The following ROBO2 variants were observed in gnomAD, a reference collection of about 807,000 sequenced individuals.
The protein encoded by ROBO2 is roundabout homolog 2.
A neutral mutation model predicts 160.8 loss-of-function variants in ROBO2; 53 were observed. That is an observed-to-expected ratio of 0.33 (90% CI 0.26 to 0.41). The LOEUF (loss-of-function observed/expected upper bound fraction) is 0.41. ROBO2 is among the 10% of genes least tolerant of loss of function. ROBO2 has a pLI of 1.00. For missense variants in ROBO2, 1,577 were observed against 1,722.4 expected (o/e 0.92, Z 1.49); for synonymous variants, 664 against 611.7 (o/e 1.09, Z -1.26).
At chr3:76,884,890 A>G (rs746122327) in intron 2 of ROBO2, among the ~76,000 whole-genome samples, 80 of 152,166 alleles carry the variant, frequency 5.3e-4, no homozygotes, top group Non-Finnish European at 1.0e-3. Flanking sequence ...AATGATAAAT[A>G]TAAGTTTCCT....
intron 2 of ROBO2, among the ~76,000 whole-genome samples, chr3:76,703,763 T>C (rs1341012988): frequency 2.0e-5 from 3 of 152,152 alleles, no homozygotes; most frequent in Admixed American, 6.6e-5. Flanking sequence ...TAGTCTATCA[T>C]TGATGGGTGT....
intron 2 of ROBO2, among the ~76,000 whole-genome samples, chr3:76,525,370 T>C (rs1487221726): frequency 6.6e-6 from 1 of 151,956 alleles, no homozygotes; most frequent in East Asian, 1.9e-4. Flanking sequence ...AAAACACATT[T>C]TAAAATAAGG....
intron 2 of ROBO2, among the ~76,000 whole-genome samples, chr3:76,375,242 C>G (rs957314581): frequency 6.6e-6 from 1 of 151,936 alleles, no homozygotes; most frequent in Non-Finnish European, 1.5e-5. Context: ...TCTGTATTCA[C>G]TAAATCCTCA....
intron 2 of ROBO2, among the ~76,000 whole-genome samples, chr3:76,931,188 T>C (rs1285485067): frequency 7.1e-6 from 1 of 140,500 alleles, no homozygotes; most frequent in Non-Finnish European, 1.5e-5. Context: ...GCCTTTGTTT[T>C]GTTTAAAGTG....
At chr3:77,098,066 C>G in exon 2 of ROBO2, 1 of 1,598,628 alleles carries the variant, frequency 6.3e-7, no homozygotes, top group Non-Finnish European at 8.6e-7. Context: ...AGCATCCTTC[C>G]GATGTCATCG....
At chr3:76,420,363 C>A (rs886285101) in intron 2 of ROBO2, among the ~76,000 whole-genome samples, 2 of 152,088 alleles carry the variant, frequency 1.3e-5, no homozygotes, top group African/African-American at 4.8e-5. Flanking sequence ...TTGTGTTGGT[C>A]ATAAAAGGCC....
At chr3:76,317,317 C>T (rs980310363) in intron 2 of ROBO2, among the ~76,000 whole-genome samples, 23 of 152,088 alleles carry the variant, frequency 1.5e-4, no homozygotes, top group South Asian at 4.1e-4. Context: ...ACCTTTGTAA[C>T]GCTGGGAAAT....
intron 2 of ROBO2, among the ~76,000 whole-genome samples, chr3:77,280,752 T>A (rs2060190501): frequency 6.6e-6 from 1 of 152,206 alleles, no homozygotes; most frequent in South Asian, 2.1e-4. Context: ...ATGTTTAACT[T>A]TGCCTTCAGA....
intron 2 of ROBO2, among the ~76,000 whole-genome samples, chr3:76,612,283 C>G (rs748621265): frequency 1.3e-5 from 2 of 152,108 alleles, no homozygotes; most frequent in Non-Finnish European, 2.9e-5. Context: ...GGGTCTATAG[C>G]GCAGATTAAA....
intron 5 of ROBO2, among the ~76,000 whole-genome samples, chr3:77,494,577 A>G (rs2086552151): frequency 6.6e-6 from 1 of 152,158 alleles, no homozygotes; most frequent in Admixed American, 6.5e-5. Flanking sequence ...GACTGTCTGA[A>G]AAAGAAAAAA....
intron 2 of ROBO2, among the ~76,000 whole-genome samples, chr3:76,834,114 C>CTTTCTTTCTTTCTT: frequency 7.7e-6 from 1 of 129,272 alleles, no homozygotes; most frequent in African/African-American, 2.9e-5. Flanking sequence ...TTCTTTCTTT[C>CTTTCTTTCTTTCTT]TCTCTGTCTC....
intron 2 of ROBO2, among the ~76,000 whole-genome samples, chr3:77,412,057 C>G (rs1475792384): frequency 6.6e-6 from 1 of 152,114 alleles, no homozygotes; most frequent in Non-Finnish European, 1.5e-5. Flanking sequence ...ACCTTCCAGG[C>G]GTGTTTTCTA....
intron 2 of ROBO2, among the ~76,000 whole-genome samples, chr3:76,348,806 C>T (rs878960885): frequency 1.3e-5 from 2 of 152,006 alleles, no homozygotes; most frequent in Admixed American, 1.3e-4. Context: ...TCTAAATTGC[C>T]CTGAAGGATG....
chr3:77,599,239 G>T (rs2094380563), intron 19 of ROBO2, among the ~76,000 whole-genome samples: 1 of 86,202 alleles, frequency 1.2e-5, no homozygotes, highest in Admixed American at 1.3e-4. Context: ...AGTAATATAT[G>T]AAATAGTCAT....
chr3:77,598,122 G>GC (rs552112854), intron 19 of ROBO2, among the ~76,000 whole-genome samples: 178 of 152,158 alleles, frequency 1.2e-3, no homozygotes, highest in African/African-American at 4.0e-3. Context: ...AATGAAGGAG[G>GC]CCCAGGGCTC....
chr3:77,243,415 T>A (rs2151385066), intron 2 of ROBO2, among the ~76,000 whole-genome samples: 1 of 152,302 alleles, frequency 6.6e-6, no homozygotes. Flanking sequence ...GGAGCAACTG[T>A]TTGAACACCC....
intron 2 of ROBO2, among the ~76,000 whole-genome samples, chr3:77,210,408 G>A (rs1188042829): frequency 1.3e-5 from 2 of 151,804 alleles, no homozygotes; most frequent in African/African-American, 4.8e-5. Context: ...AGAATTTTAT[G>A]ATAATAATAT....
At chr3:77,512,320 G>T (rs2089494435) in intron 5 of ROBO2, among the ~76,000 whole-genome samples, 1 of 151,878 alleles carries the variant, frequency 6.6e-6, no homozygotes, top group Non-Finnish European at 1.5e-5. Context: ...AATGGAGAGA[G>T]CATTTTAGAA....
At chr3:76,910,086 G>C (rs1293936905) in intron 2 of ROBO2, among the ~76,000 whole-genome samples, 3 of 152,072 alleles carry the variant, frequency 2.0e-5, no homozygotes, top group Non-Finnish European at 2.9e-5. Context: ...GCTGTTACTG[G>C]TAAAATATAG....
Sources: allele counts gnomAD v4.1 joint callset (sites outside exome capture counted in the v4.1 genomes callset), GRCh38; gene constraint gnomAD v4.1.1; transcripts MANE v1.5; gene names NCBI Gene and HGNC (gene_info 2026-07-23, HGNC 2026-07-21).